Variants in AKAP12 observed in about 807,000 individuals in gnomAD.
AKAP12 encodes A-kinase anchoring protein 12.
In AKAP12, 32 loss-of-function variants were observed where a neutral mutation model predicts 79.9. The ratio of observed to expected loss-of-function variants is 0.40; its 90% CI spans 0.30 to 0.54. The LOEUF (loss-of-function observed/expected upper bound fraction) is 0.54. Ranked by LOEUF, AKAP12 falls within the 20% of genes least tolerant of loss-of-function variation. The pLI is 0.48. For synonymous variants in AKAP12, 808 were observed against 857.0 expected (o/e 0.94, Z 1.00); for missense variants, 2,074 against 2,177.0 (o/e 0.95, Z 0.94).
At chr6:151,340,014 T>C (rs1390326224) in intron 3 of AKAP12, among the ~76,000 whole-genome samples, 1 of 151,804 alleles carries the variant, frequency 6.6e-6, no homozygotes. Flanking sequence ...GCGAGCCCCG[T>C]CTCCCGGGTT....
At chr6:151,341,672 G>T in intron 3 of AKAP12, 1 of 1,176,160 alleles carries the variant, frequency 8.5e-7, no homozygotes, top group Non-Finnish European at 1.1e-6. Flanking sequence ...ATGCCCTGGT[G>T]GAGTAAACTC....
Position 151,352,235 on chromosome 6 carries a change from G to A in AKAP12, c.3844G>A (p.Glu1282Lys), listed in dbSNP as rs368517285. ...GAAAACCAAAGACGTACCATTTTTC[G>A]AAGGACTTGAGGGGTCTATAGACAC... ...DEKTKDVPFF[E>K]GLEGSIDTGI... The change falls in exon 4 of 5, where the codon GAA (glutamate) becomes AAA (lysine). Residue 1282 changes from glutamate (E) to lysine (K), a missense_variant. By Grantham distance (56) the Glu-to-Lys change is moderately conservative (BLOSUM62 1). Transcript: ENST00000402676. 12 of 1,614,006 alleles carry A rather than the reference G, an allele frequency of 7.4e-6. No individual in the cohort carries two copies. Among genetic ancestry groups the A allele is most frequent in the African/African-American group, 1.3e-5 (1 of 74,928 alleles).
chr6:151,240,697 C>T lies in AKAP12; in HGVS notation c.135C>T (p.Ala45=), dbSNP rs1796953822. ...EAAPDTTADP[A]IAASDPATKL... is the part of the protein sequence containing the mutation. ...CGCCAGACACCACCGCGGACCCCGC[C>T]ATCGCTGCCTCGGACCCCGCCACCA... The change falls in exon 2 of 5, where the codon GCC becomes GCT. Residue 45 remains alanine (A), a synonymous_variant. Transcript: ENST00000402676. The T allele has an allele frequency of 1.2e-5, 15 of 1,279,772 alleles. No homozygotes were observed. Among genetic ancestry groups the T allele is most frequent in the Non-Finnish European group, 1.5e-5 (15 of 1,015,504 alleles). The allele number at this position is 1,279,772 out of a possible 1,614,324, so 79.3% of individuals were successfully genotyped here.
In AKAP12 at chr6:151,352,407, T is replaced by C; in HGVS notation, c.4016T>C (p.Val1339Ala). The change falls in exon 4 of 5, where the codon GTT becomes GCT. Residue 1339 changes from valine to alanine, a missense_variant. This residue lies in a region of AKAP12 where 614 missense variants were observed against 665.6 expected (regional missense o/e 0.92). Transcript: ENST00000402676. ...PPSPVEREMVVQVEREKTEAE... is the reference protein window; with the variant it reads ...PPSPVEREMVAQVEREKTEAE... ...TCCCCCGTGGAGAGAGAGATGGTAG[T>C]TCAAGTCGAAAGGGAGAAAACAGAA... 6.2e-7 allele frequency: 1 copy of C among 1,614,092 alleles called. No individual in the cohort carries two copies. Among genetic ancestry groups the C allele is most frequent in the Non-Finnish European group, 8.5e-7 (1 of 1,180,002 alleles).
At chr6:151,334,685 G>T (rs1402336967) in intron 3 of AKAP12, among the ~76,000 whole-genome samples, 1 of 150,756 alleles carries the variant, frequency 6.6e-6, no homozygotes, top group South Asian at 2.1e-4. Flanking sequence ...GCAGTGGCGC[G>T]ATCTCGGCTC....
intron 3 of AKAP12, among the ~76,000 whole-genome samples, chr6:151,340,623 G>T (rs1381482997): frequency 1.9e-5 from 1 of 53,824 alleles, no homozygotes. Context: ...TTGACTGATA[G>T]CCTCATGGGC....
At chr6:151,313,165 G>T (rs906091911) in intron 3 of AKAP12, among the ~76,000 whole-genome samples, 3 of 152,138 alleles carry the variant, frequency 2.0e-5, no homozygotes, top group Admixed American at 6.5e-5. Context: ...ACCATGCTGG[G>T]TTCTCACAGG....
At chr6:151,337,637 T>TG (rs1777851900) in intron 3 of AKAP12, among the ~76,000 whole-genome samples, 1 of 152,178 alleles carries the variant, frequency 6.6e-6, no homozygotes, top group Admixed American at 6.5e-5. Flanking sequence ...AGTGGGATAT[T>TG]GTCAACATTT....
chr6:151,344,972 A>T (rs1778051040), intron 3 of AKAP12, among the ~76,000 whole-genome samples: 1 of 152,232 alleles, frequency 6.6e-6, no homozygotes, highest in Admixed American at 6.5e-5. Context: ...AGATTATATA[A>T]TTGGAAGGAA....
chr6:151,251,501 G>A (rs1279394207), intron 2 of AKAP12, among the ~76,000 whole-genome samples: 1 of 152,098 alleles, frequency 6.6e-6, no homozygotes, highest in East Asian at 1.9e-4. Context: ...TTGGCATGGG[G>A]GTAAGTCACA....
chr6:151,305,836 G>C lies in AKAP12; in HGVS notation c.252G>C (p.Gln84His), dbSNP rs1254554685. The C allele has an allele frequency of 6.2e-7, 1 of 1,614,062 alleles. No homozygotes were observed. The highest frequency in any genetic ancestry group is 8.5e-7 in the Non-Finnish European group (1 of 1,179,984). Residue 84 changes from glutamine to histidine, a missense_variant, in exon 3 of 5, where the codon CAG becomes CAC. Transcript: ENST00000402676. ...TCCAGGAGGGTGACCTAAATGGCCA[G>C]AAAGGAGCCCTGAACGGTCAAGGAG... Reference protein sequence around the residue: ...LSLQEGDLNGQKGALNGQGAL... With the variant: ...LSLQEGDLNGHKGALNGQGAL...
At position 151,321,912 on chromosome 6, in the gene AKAP12, T is replaced by C. The variant is rs371150034; in HGVS notation, c.319+16009T>C. Reference sequence around the variant, plus strand: ...GGCACATCAGCTTTATGTTTTTTTTTTTTTTTTTTTTTTTTTGACACAGTC... The same window carrying C: ...GGCACATCAGCTTTATGTTTTTTTTCTTTTTTTTTTTTTTTTGACACAGTC... On this transcript the variant is annotated intron_variant, in intron 3 of 4. Coordinates refer to ENST00000402676, the MANE Select transcript of AKAP12 (RefSeq NM_005100.4). Among the ~76,000 whole-genome samples the C allele has an allele frequency of 8.4e-5, 12 of 143,470 alleles. No homozygotes were observed. The Admixed American group carries it at 8.4e-4, about 10-fold the overall frequency. The allele number at this position is 143,470 out of a possible 152,430, so 94.1% of individuals were successfully genotyped here. A position where few individuals can be genotyped will look rare whatever the true frequency, so the allele number is the denominator to read the frequency against.
chr6:151,272,536 T>TAGATAGAG (rs1251192445), intron 2 of AKAP12, among the ~76,000 whole-genome samples: 1 of 151,008 alleles, frequency 6.6e-6, no homozygotes, highest in African/African-American at 2.5e-5. Context: ...GATAGATAGA[T>TAGATAGAG]AGAGATGGAG....
chr6:151,312,224 A>G (rs1777121505), intron 3 of AKAP12, among the ~76,000 whole-genome samples: 1 of 152,140 alleles, frequency 6.6e-6, no homozygotes, highest in South Asian at 2.1e-4. Context: ...TAATCCCAGC[A>G]CTTTGGGAGG....
intron 3 of AKAP12, among the ~76,000 whole-genome samples, chr6:151,337,218 C>T (rs1777836974): frequency 6.6e-6 from 1 of 151,852 alleles, no homozygotes; most frequent in African/African-American, 2.4e-5. Flanking sequence ...AAAAAAATAA[C>T]TTCAGGCCAG....
chr6:151,326,119 C>T (rs1777518224), intron 3 of AKAP12, among the ~76,000 whole-genome samples: 1 of 152,180 alleles, frequency 6.6e-6, no homozygotes, highest in South Asian at 2.1e-4. Flanking sequence ...GAGCTGGAAT[C>T]TTCTTGACTG....
intron 2 of AKAP12, among the ~76,000 whole-genome samples, chr6:151,247,109 AT>A (rs974036696): frequency 2.0e-5 from 3 of 150,430 alleles, no homozygotes; most frequent in South Asian, 2.2e-4. Flanking sequence ...ATTTTTAAAG[AT>A]TTTTTTTTCT....
At chr6:151,280,542 G>T (rs779887726) in intron 2 of AKAP12, 3 of 151,946 alleles carry the variant, frequency 2.0e-5, no homozygotes, top group Admixed American at 2.0e-4. Flanking sequence ...TACAAATTTG[G>T]GTCTCATCTT....
chr6:151,256,948 C>CCATATATA (rs138541595), intron 2 of AKAP12, among the ~76,000 whole-genome samples: 1 of 145,844 alleles, frequency 6.9e-6, no homozygotes, highest in Admixed American at 6.8e-5. Flanking sequence ...CGCGCCCGGC[C>CCATATATA]TATATATATA....
Sources: allele counts gnomAD v4.1 joint callset (sites outside exome capture counted in the v4.1 genomes callset), GRCh38; gene constraint gnomAD v4.1.1; regional missense constraint gnomAD v4.1.1; transcripts MANE v1.5; gene names NCBI Gene and HGNC (gene_info 2026-07-23, HGNC 2026-07-21).